The following SLC24A2 variants were observed in gnomAD, a reference collection of about 807,000 sequenced individuals.
SLC24A2 encodes solute carrier family 24 member 2, also known as sodium/potassium/calcium exchanger 2.
In SLC24A2, 36 loss-of-function variants were observed where a neutral mutation model predicts 62.0. The observed-to-expected ratio is 0.58, with a 90% confidence interval of 0.44 to 0.77. SLC24A2 has a LOEUF of 0.77. Ranked by LOEUF, SLC24A2 falls within the 30% of genes least tolerant of loss-of-function variation. The probability of loss-of-function intolerance (pLI) is 0.00; values close to 1 mark genes in which losing one functional copy is unlikely to be tolerated. For synonymous variants in SLC24A2, 358 were observed against 294.0 expected (o/e 1.22, Z -2.23); for missense variants, 846 against 817.9 (o/e 1.03, Z -0.42).
the SLC24A2 span, among the ~76,000 whole-genome samples, chr9:19,941,611 AAGAG>A: frequency 5.3e-5 from 6 of 113,212 alleles, no homozygotes; most frequent in Middle Eastern, 4.4e-3. Flanking sequence ...GAGAGAGAGA[AAGAG>A]AGAGTTGTAG....
At chr9:19,531,587 A>G (rs571819316) in intron 8 of SLC24A2, among the ~76,000 whole-genome samples, 2 of 152,280 alleles carry the variant, frequency 1.3e-5, no homozygotes, top group South Asian at 4.1e-4. Context: ...GATGCTGGAC[A>G]TTAGCTGGTT....
At chr9:20,284,496 C>T in the SLC24A2 span, among the ~76,000 whole-genome samples, 1 of 150,624 alleles carries the variant, frequency 6.6e-6, no homozygotes, top group South Asian at 2.1e-4. Flanking sequence ...CATAGTTCAA[C>T]CCCTCATTTA....
the SLC24A2 span, among the ~76,000 whole-genome samples, chr9:20,258,371 G>A: frequency 6.6e-6 from 1 of 152,332 alleles, no homozygotes. Context: ...GCTGCCCCAG[G>A]TTTATCTTTG....
At chr9:19,533,724 T>C (rs959103839) in intron 8 of SLC24A2, among the ~76,000 whole-genome samples, 5 of 152,160 alleles carry the variant, frequency 3.3e-5, no homozygotes, top group African/African-American at 9.7e-5. Flanking sequence ...ACAACCCAAA[T>C]TGCCAATTCA....
chr9:19,888,140 A>G, the SLC24A2 span, among the ~76,000 whole-genome samples: 3 of 152,214 alleles, frequency 2.0e-5, no homozygotes, highest in Admixed American at 1.3e-4. Flanking sequence ...TTGGTTTTTA[A>G]AAAGTATCCT....
chr9:20,127,984 C>T, the SLC24A2 span, among the ~76,000 whole-genome samples: 1 of 152,022 alleles, frequency 6.6e-6, no homozygotes, highest in African/African-American at 2.4e-5. Flanking sequence ...CAACCAATGC[C>T]TACTACGTAG....
intron 9 of SLC24A2, among the ~76,000 whole-genome samples, chr9:19,522,947 T>C (rs1833269639): frequency 6.6e-6 from 1 of 152,226 alleles, no homozygotes; most frequent in East Asian, 1.9e-4. Flanking sequence ...ACTAAACAAC[T>C]GTTACTGTCG....
intron 8 of SLC24A2, among the ~76,000 whole-genome samples, chr9:19,540,277 G>T (rs1043359504): frequency 7.1e-6 from 1 of 141,592 alleles, no homozygotes; most frequent in African/African-American, 2.8e-5. Flanking sequence ...TTGCTCGTTA[G>T]TTGATGCAGT....
At chr9:19,825,511 T>C in the SLC24A2 span, among the ~76,000 whole-genome samples, 3 of 152,072 alleles carry the variant, frequency 2.0e-5, no homozygotes, top group Non-Finnish European at 4.4e-5. Flanking sequence ...TCATTCAATA[T>C]GGGATATAGG....
the SLC24A2 span, among the ~76,000 whole-genome samples, chr9:19,976,909 C>A: frequency 4.0e-5 from 6 of 151,758 alleles, no homozygotes; most frequent in Non-Finnish European, 8.8e-5. Context: ...GATACAGCAA[C>A]AATAAATGTT....
the SLC24A2 span, among the ~76,000 whole-genome samples, chr9:19,890,285 C>A: frequency 1.3e-5 from 2 of 152,132 alleles, no homozygotes; most frequent in Non-Finnish European, 2.9e-5. Flanking sequence ...CTATTAGAAA[C>A]AAGTCAATAG....
chr9:20,050,259 A>T, the SLC24A2 span, among the ~76,000 whole-genome samples: 2 of 151,516 alleles, frequency 1.3e-5, no homozygotes, highest in Non-Finnish European at 2.9e-5. Flanking sequence ...AAAAAAAAAA[A>T]AAAAAATTTA....
At chr9:19,931,398 T>C in the SLC24A2 span, among the ~76,000 whole-genome samples, 5 of 152,198 alleles carry the variant, frequency 3.3e-5, no homozygotes, top group Admixed American at 2.0e-4. Flanking sequence ...ATTTAACACA[T>C]AAAACCAACA....
chr9:19,547,539 A>G (rs1448668519), intron 8 of SLC24A2, among the ~76,000 whole-genome samples: 1 of 151,966 alleles, frequency 6.6e-6, no homozygotes, highest in Non-Finnish European at 1.5e-5. Flanking sequence ...TGACGTTTCA[A>G]CTAGGATTAC....
chr9:19,745,330 T>C (rs117562326), intron 2 of SLC24A2, among the ~76,000 whole-genome samples: 1,844 of 152,302 alleles, frequency 0.012, 27 homozygotes, highest in Non-Finnish European at 0.021. Flanking sequence ...TATTCCTTCA[T>C]GCAATGCAAA....
chr9:19,567,765 TCAA>T (rs1835716826), intron 7 of SLC24A2, among the ~76,000 whole-genome samples: 2 of 151,576 alleles, frequency 1.3e-5, no homozygotes, highest in East Asian at 1.9e-4. Context: ...AGTGTTGGAA[TCAA>T]CAACAATGGA....
intron 9 of SLC24A2, 48 bp downstream of exon 9, chr9:19,528,001 A>G (rs1180347962): frequency 8.8e-6 from 10 of 1,137,974 alleles, no homozygotes; most frequent in Middle Eastern, 3.8e-4. Context: ...CTTGACAATC[A>G]GGACTGGAGA....
chr9:19,844,415 A>G, the SLC24A2 span, among the ~76,000 whole-genome samples: 1 of 152,176 alleles, frequency 6.6e-6, no homozygotes, highest in Non-Finnish European at 1.5e-5. Context: ...TTGGGATATT[A>G]AACCTTTGTC....
chr9:20,031,975 T>G, the SLC24A2 span, among the ~76,000 whole-genome samples: 2 of 151,952 alleles, frequency 1.3e-5, no homozygotes, highest in African/African-American at 2.4e-5. Flanking sequence ...GAACCTAGAG[T>G]TGAGAGGGAC....
Sources: gnomAD v4.1 joint callset for allele counts (sites outside exome capture counted in the v4.1 genomes callset) on GRCh38, gnomAD v4.1.1 for gene constraint, MANE v1.5 for transcripts, NCBI Gene and HGNC (gene_info 2026-07-23, HGNC 2026-07-21) for gene names.